Variants in DLGAP2 observed in about 807,000 individuals in gnomAD.
DLGAP2 encodes DLG associated protein 2, also known as disks large-associated protein 2.
Under a neutral mutation model 100.3 loss-of-function variants are expected in DLGAP2, and 26 were observed. The observed-to-expected ratio is 0.26, with a 90% CI of 0.19 to 0.36. The LOEUF is 0.36. Ranked by LOEUF, DLGAP2 falls within the 10% of genes least tolerant of loss-of-function variation. The pLI is 1.00. For synonymous variants in DLGAP2, 886 were observed against 630.1 expected (o/e 1.41, Z -6.08); for missense variants, 1,858 against 1,453.2 (o/e 1.28, Z -4.53).
intron 3 of DLGAP2, among the ~76,000 whole-genome samples, chr8:1,289,411 G>GAA (rs1800010417): frequency 2.0e-5 from 3 of 152,190 alleles, no homozygotes; most frequent in African/African-American, 7.2e-5. Flanking sequence ...GTTCAGAGTG[G>GAA]TTGCTACACA....
intron 1 of DLGAP2, among the ~76,000 whole-genome samples, chr8:808,124 A>T (rs1368276797): frequency 6.6e-6 from 1 of 152,156 alleles, no homozygotes; most frequent in Non-Finnish European, 1.5e-5. Context: ...CACCTGCCTC[A>T]CAGGGTCGTC....
At chr8:1,278,955 C>G (rs1011029618) in intron 3 of DLGAP2, among the ~76,000 whole-genome samples, 1 of 152,136 alleles carries the variant, frequency 6.6e-6, no homozygotes, top group Non-Finnish European at 1.5e-5. Context: ...AGTAAAGTCA[C>G]TTATGATTTC....
At chr8:1,110,006 C>G (rs1804895839) in intron 2 of DLGAP2, among the ~76,000 whole-genome samples, 3 of 96,680 alleles carry the variant, frequency 3.1e-5, no homozygotes, top group Non-Finnish European at 5.8e-5. Context: ...GGGTCTGTGA[C>G]ATGTGCTGGG....
At chr8:1,182,879 G>A (rs1357992344) in intron 2 of DLGAP2, among the ~76,000 whole-genome samples, 3 of 152,202 alleles carry the variant, frequency 2.0e-5, no homozygotes, top group Non-Finnish European at 4.4e-5. Context: ...CCAGTGAGGT[G>A]GAGCGGGGCT....
intron 3 of DLGAP2, among the ~76,000 whole-genome samples, chr8:1,288,936 A>G (rs898532178): frequency 1.3e-5 from 2 of 152,208 alleles, no homozygotes; most frequent in African/African-American, 2.4e-5. Context: ...GATTTTTAAC[A>G]TGAAGTTCAG....
At chr8:881,164 A>T (rs1797783474) in intron 1 of DLGAP2, among the ~76,000 whole-genome samples, 2 of 152,216 alleles carry the variant, frequency 1.3e-5, no homozygotes, top group Non-Finnish European at 2.9e-5. Flanking sequence ...TCTTAAAACA[A>T]TTCAGGAAAG....
chr8:865,681 C>T (rs1371009607), intron 1 of DLGAP2, among the ~76,000 whole-genome samples: 1 of 152,206 alleles, frequency 6.6e-6, no homozygotes, highest in Admixed American at 6.5e-5. Context: ...GTGGGAATGG[C>T]CACTCGCCCT....
intron 2 of DLGAP2, among the ~76,000 whole-genome samples, chr8:931,256 G>C (rs1274181448): frequency 6.6e-6 from 1 of 152,190 alleles, no homozygotes; most frequent in African/African-American, 2.4e-5. Context: ...ACACGGGCCA[G>C]TTGTGTTTCT....
At chr8:1,506,621 G>C (rs143525128) in intron 4 of DLGAP2, among the ~76,000 whole-genome samples, 4 of 152,168 alleles carry the variant, frequency 2.6e-5, no homozygotes, top group South Asian at 2.1e-4. Context: ...TGCCAGTGCC[G>C]GCTCAGGCAG....
intron 3 of DLGAP2, among the ~76,000 whole-genome samples, chr8:1,261,000 A>G (rs2116909175): frequency 6.6e-6 from 1 of 152,346 alleles, no homozygotes; most frequent in Non-Finnish European, 1.5e-5. Flanking sequence ...GGCTCCCAGC[A>G]AATGTGTGAC....
rs1185937502 is a variant in DLGAP2, at chr8:1,701,514, C to T, written c.*108C>T. On this transcript the variant is annotated 3_prime_UTR_variant, in exon 15 of 15. Coordinates refer to ENST00000637795, the MANE Select transcript of DLGAP2 (RefSeq NM_001346810.2). ...CTCCTCCTCCCGCTGAACACGTCCT[C>T]GCTCCCGCGCTCCCCGCGCCCCGGA... is the stretch of plus-strand genomic sequence containing the variant. 5 of 1,170,904 alleles carry T rather than the reference C, an allele frequency of 4.3e-6. No individual in the cohort carries two copies. The highest frequency in any genetic ancestry group is 5.8e-6 in the Non-Finnish European group (5 of 855,572). 72.5% of individuals were successfully genotyped at this position (1,170,904 alleles called of 1,614,324 possible).
intron 1 of DLGAP2, among the ~76,000 whole-genome samples, chr8:751,618 GTAAGTCCTTATAGGAAGTTCATCTGACAC>G (rs1329917792): frequency 2.3e-5 from 2 of 88,164 alleles, no homozygotes; most frequent in Non-Finnish European, 6.9e-5. Context: ...ACACTTTATA[GTAAGTCCTTATAGGAAGTTCATCTGACAC>G]TTTATAGTAA....
intron 2 of DLGAP2, among the ~76,000 whole-genome samples, chr8:1,004,661 C>A (rs181927909): frequency 6.6e-6 from 1 of 152,096 alleles, no homozygotes; most frequent in African/African-American, 2.4e-5. Context: ...GAAGTGGTTA[C>A]CAACTTAATT....
At chr8:1,294,691 G>A (rs1467658011) in intron 3 of DLGAP2, among the ~76,000 whole-genome samples, 3 of 152,112 alleles carry the variant, frequency 2.0e-5, no homozygotes, top group South Asian at 2.1e-4. Context: ...TGTTGTATGT[G>A]TGAGAGAGTT....
At chr8:1,030,743 A>G (rs1801948463) in intron 2 of DLGAP2, among the ~76,000 whole-genome samples, 1 of 152,202 alleles carries the variant, frequency 6.6e-6, no homozygotes, top group South Asian at 2.1e-4. Flanking sequence ...CTCAGATGCC[A>G]GAATGCTTCC....
At chr8:876,472 C>G (rs1156355915) in intron 1 of DLGAP2, among the ~76,000 whole-genome samples, 1 of 152,124 alleles carries the variant, frequency 6.6e-6, no homozygotes, top group East Asian at 1.9e-4. Context: ...CTTTTCTGGC[C>G]TCTACTGTTT....
At chr8:1,201,538 G>A (rs1355344926) in intron 2 of DLGAP2, among the ~76,000 whole-genome samples, 2 of 152,220 alleles carry the variant, frequency 1.3e-5, no homozygotes, top group African/African-American at 4.8e-5. Context: ...TTTGGACATC[G>A]CATCTCCGGA....
chr8:1,555,840 T>C (rs912026567), intron 5 of DLGAP2, among the ~76,000 whole-genome samples: 1 of 152,256 alleles, frequency 6.6e-6, no homozygotes, highest in Non-Finnish European at 1.5e-5. Flanking sequence ...GAAGGGTGTC[T>C]GGTTTTGGGT....
intron 6 of DLGAP2, among the ~76,000 whole-genome samples, chr8:1,571,839 G>C (rs1208549994): frequency 7.6e-6 from 1 of 131,210 alleles, no homozygotes; most frequent in Non-Finnish European, 1.6e-5. Flanking sequence ...AGGGTAAACT[G>C]TGGGGGCGTC....
Sources: gnomAD v4.1 joint callset for allele counts (sites outside exome capture counted in the v4.1 genomes callset) on GRCh38, gnomAD v4.1.1 for gene constraint, MANE v1.5 for transcripts, NCBI Gene and HGNC (gene_info 2026-07-23, HGNC 2026-07-21) for gene names.